Variants in CDC42BPA observed in about 807,000 individuals in gnomAD.
CDC42BPA encodes serine/threonine-protein kinase MRCK alpha.
CDC42BPA carries 80 observed loss-of-function variants against 223.5 expected under a neutral mutation model. That is an observed-to-expected ratio of 0.36 (90% CI 0.30 to 0.43). The LOEUF (loss-of-function observed/expected upper bound fraction) is 0.43. CDC42BPA is among the 20% of genes least tolerant of loss of function. CDC42BPA has a pLI of 1.00. For missense variants in CDC42BPA, 1,743 were observed against 2,099.9 expected (o/e 0.83, Z 3.32); for synonymous variants, 694 against 718.6 (o/e 0.97, Z 0.55).
chr1:227,048,285 A>T lies in CDC42BPA; in HGVS notation c.3010-275T>A, dbSNP rs946701918. Among the ~76,000 whole-genome samples, 9 of 152,162 alleles carry T rather than the reference A, an allele frequency of 5.9e-5. 1 individual carries two copies. In the East Asian group the frequency reaches 1.3e-3, roughly 23 times the overall value. ...TAAATCATTTGGATCAAATGATTCAAATAAAAAAAGCCATAGCATGTGGCC... is the reference window on the plus strand; with the variant it reads ...TAAATCATTTGGATCAAATGATTCATATAAAAAAAGCCATAGCATGTGGCC... On this transcript the variant is annotated intron_variant, in intron 22 of 36. Coordinates refer to ENST00000366766, the MANE Select transcript of CDC42BPA (RefSeq NM_001394014.1).
rs770764242 is a variant in CDC42BPA at position 227,139,586 on chromosome 1, T to C, written c.1380A>G (p.Arg460=). The C allele has an allele frequency of 1.9e-6, 3 of 1,581,818 alleles. No individual in the cohort carries two copies. The East Asian group carries it at 6.8e-5, about 36-fold the overall frequency. The change falls in exon 10 of 37, where the codon AGA becomes AGG. Residue 460 remains arginine, a synonymous_variant. Coordinates refer to ENST00000366766, the MANE Select transcript of CDC42BPA (RefSeq NM_001394014.1). The stretch of plus-strand genomic sequence containing the variant: ...TTAAAATATATTTACCTTGAAGTTT[T>C]CTACTGAGTTCAAGTTTTTCTTGCT... ...RLEQEKLELS[R]KLQESTQTVQ... is the part of the protein sequence containing the mutation.
At chr1:227,241,502 AT>A (rs1680007191) in intron 2 of CDC42BPA, among the ~76,000 whole-genome samples, 1 of 152,212 alleles carries the variant, frequency 6.6e-6, no homozygotes, top group Non-Finnish European at 1.5e-5. Flanking sequence ...CTGCTCAGTA[AT>A]AAAAACGATT....
intron 32 of CDC42BPA, among the ~76,000 whole-genome samples, chr1:227,018,714 TAAAAC>T (rs1232029790): frequency 6.6e-6 from 1 of 152,156 alleles, no homozygotes; most frequent in Admixed American, 6.5e-5. Flanking sequence ...GACCACATAA[TAAAAC>T]AAATATCAAA....
chr1:227,001,815 G>A (rs1294474616), intron 35 of CDC42BPA, among the ~76,000 whole-genome samples: 3 of 152,136 alleles, frequency 2.0e-5, no homozygotes, highest in African/African-American at 4.8e-5. Flanking sequence ...GCTGAGGCAG[G>A]AGAATTGCTT....
At chr1:227,035,367 T>C in intron 25 of CDC42BPA, 104 bp downstream of exon 25, 1 of 838,286 alleles carries the variant, frequency 1.2e-6, no homozygotes, top group East Asian at 2.9e-5. Flanking sequence ...ATTTTATTCA[T>C]TTAATTTTCC....
At chr1:227,210,517 A>G (rs1480783977) in intron 3 of CDC42BPA, among the ~76,000 whole-genome samples, 2 of 152,214 alleles carry the variant, frequency 1.3e-5, no homozygotes, top group African/African-American at 4.8e-5. Context: ...AACAGAATAT[A>G]TAAATACTTG....
chr1:227,197,889 T>C (rs1226915846), intron 4 of CDC42BPA, among the ~76,000 whole-genome samples: 1 of 152,194 alleles, frequency 6.6e-6, no homozygotes, highest in Non-Finnish European at 1.5e-5. Flanking sequence ...TATCTTTGCA[T>C]GATACATTCA....
At chr1:227,022,653 A>G (rs1045763592) in intron 32 of CDC42BPA, among the ~76,000 whole-genome samples, 1 of 152,216 alleles carries the variant, frequency 6.6e-6, no homozygotes, top group African/African-American at 2.4e-5. Context: ...ACAACATTTA[A>G]TTCTATGTGA....
rs1670417341 is a variant in CDC42BPA at position 227,194,932 on chromosome 1, T to C, written c.451-998A>G. ...TGAAGGCTAGTGAGTACAAGACACA[T>C]GAATGCCTTGAAATTAAGGTTTTAT... On this transcript the variant is annotated intron_variant, in intron 4 of 36. Transcript: ENST00000366766. Among the ~76,000 whole-genome samples the C allele has an allele frequency of 4.0e-5, 6 of 151,072 alleles. No homozygotes were observed. In the Admixed American group the frequency reaches 4.0e-4, roughly 10 times the overall value.
At chr1:227,265,085 A>C (rs1045199809) in intron 1 of CDC42BPA, 197 of 774,874 alleles carry the variant, frequency 2.5e-4, no homozygotes, top group Non-Finnish European at 4.1e-4. Context: ...ATTGTATCCA[A>C]GGTAAAACTA....
At chr1:227,066,755 AAAGT>A (rs1304693846) in intron 21 of CDC42BPA, among the ~76,000 whole-genome samples, 2 of 152,250 alleles carry the variant, frequency 1.3e-5, no homozygotes, top group African/African-American at 2.4e-5. Flanking sequence ...CAGCTTATTA[AAAGT>A]AATAAGGGCA....
chr1:227,209,747 G>T (rs985037963), intron 3 of CDC42BPA, among the ~76,000 whole-genome samples: 88 of 149,366 alleles, frequency 5.9e-4, no homozygotes, highest in African/African-American at 2.0e-3. Flanking sequence ...TGTGCTGCTG[G>T]ATTTGTTTTG....
At chr1:227,049,182 T>C (rs953959567) in intron 22 of CDC42BPA, among the ~76,000 whole-genome samples, 9 of 151,124 alleles carry the variant, frequency 6.0e-5, no homozygotes, top group African/African-American at 1.7e-4. Context: ...TAAAAAACAA[T>C]AGGAAACAAA....
intron 2 of CDC42BPA, among the ~76,000 whole-genome samples, chr1:227,250,911 A>AG (rs1168908949): frequency 6.6e-6 from 1 of 151,920 alleles, no homozygotes. Context: ...AAATTAGCCA[A>AG]GCATGCTGGT....
intron 12 of CDC42BPA, among the ~76,000 whole-genome samples, chr1:227,118,846 G>T (rs1688180383): frequency 6.6e-6 from 1 of 151,982 alleles, no homozygotes. Flanking sequence ...GAATTTAAAT[G>T]GACCTATACA....
At position 227,048,012 on chromosome 1, in the gene CDC42BPA, T is replaced by C; in HGVS notation, c.3010-2A>G. ...TGAAAGTGGAGTGGAGTCTACAGTCTGAACCCAGGAGCAAAAAAGGAAATA... is the reference window on the plus strand; with the variant it reads ...TGAAAGTGGAGTGGAGTCTACAGTCCGAACCCAGGAGCAAAAAAGGAAATA... On this transcript the variant is annotated splice_acceptor_variant, in intron 22 of 36. Transcript: ENST00000366766. LOFTEE classifies it high-confidence loss of function. 6.3e-7 allele frequency: 1 copy of C among 1,587,248 alleles called. No homozygotes were observed.
At chr1:227,172,989 A>G (rs1361736182) in intron 5 of CDC42BPA, among the ~76,000 whole-genome samples, 1 of 152,208 alleles carries the variant, frequency 6.6e-6, no homozygotes, top group African/African-American at 2.4e-5. Context: ...TCAGGATCTA[A>G]TCAAATGGCC....
chr1:227,070,812 A>G (rs1460517045), intron 20 of CDC42BPA, among the ~76,000 whole-genome samples: 1 of 151,848 alleles, frequency 6.6e-6, no homozygotes, highest in African/African-American at 2.4e-5. Context: ...CAAATTAAAA[A>G]GCTGTGGTAA....
At chr1:227,029,984 AT>A (rs1668960596) in intron 29 of CDC42BPA, among the ~76,000 whole-genome samples, 1 of 152,074 alleles carries the variant, frequency 6.6e-6, no homozygotes, top group Non-Finnish European at 1.5e-5. Flanking sequence ...AAAATACAAA[AT>A]TAGCCGGGCG....
Sources: gnomAD v4.1 joint callset for allele counts (sites outside exome capture counted in the v4.1 genomes callset) on GRCh38, gnomAD v4.1.1 for gene constraint, MANE v1.5 for transcripts, NCBI Gene and HGNC (gene_info 2026-07-23, HGNC 2026-07-21) for gene names.